Variants in TENM4 observed in about 807,000 individuals in gnomAD.
The protein encoded by TENM4 is teneurin-4.
Under a neutral mutation model 243.3 loss-of-function variants are expected in TENM4, and 82 were observed. That is an observed-to-expected ratio of 0.34 (90% CI 0.28 to 0.40). The LOEUF (loss-of-function observed/expected upper bound fraction) is 0.40. Among genes scored for constraint, TENM4 ranks in the 10% least tolerant of loss-of-function variants. The probability of loss-of-function intolerance (pLI) is 1.00; values close to 1 mark genes in which losing one functional copy is unlikely to be tolerated. For missense variants in TENM4, 3,138 were observed against 3,673.3 expected, an observed-to-expected ratio of 0.85 and a Z score of 3.77; for synonymous variants, 1,412 against 1,456.3, an observed-to-expected ratio of 0.97 and a Z score of 0.69.
At chr11:78,809,365 G>GCATCT (rs1857450329) in intron 14 of TENM4, among the ~76,000 whole-genome samples, 2 of 152,228 alleles carry the variant, frequency 1.3e-5, no homozygotes, top group African/African-American at 4.8e-5. Context: ...AGGAGGGAAG[G>GCATCT]CAGCTCCCAG....
At chr11:79,307,818 G>C (rs568227012) in intron 1 of TENM4, among the ~76,000 whole-genome samples, 1 of 152,236 alleles carries the variant, frequency 6.6e-6, no homozygotes, top group East Asian at 1.9e-4. Context: ...CTTCCAGGTG[G>C]GGAGGATGAA....
At chr11:79,151,845 A>AT (rs1862518139) in intron 3 of TENM4, among the ~76,000 whole-genome samples, 2 of 151,956 alleles carry the variant, frequency 1.3e-5, no homozygotes, top group African/African-American at 4.8e-5. Context: ...GCACTTCAAC[A>AT]TTTTCATTGC....
intron 12 of TENM4, among the ~76,000 whole-genome samples, chr11:78,819,960 G>A (rs904924338): frequency 6.6e-6 from 1 of 152,222 alleles, no homozygotes; most frequent in Non-Finnish European, 1.5e-5. Flanking sequence ...GCAAGAAGGA[G>A]CTTGAACTCC....
intron 4 of TENM4, among the ~76,000 whole-genome samples, chr11:79,107,890 C>T (rs1412677286): frequency 6.6e-6 from 1 of 152,178 alleles, no homozygotes; most frequent in Non-Finnish European, 1.5e-5. Flanking sequence ...TGTCTGAGGC[C>T]ACACAGCCAG....
chr11:78,915,120 G>A (rs900172960), intron 6 of TENM4, among the ~76,000 whole-genome samples: 1 of 152,202 alleles, frequency 6.6e-6, no homozygotes, highest in African/African-American at 2.4e-5. Context: ...AGGTTAACAG[G>A]TTAATTAGAC....
In TENM4 at chr11:78,832,340, C is replaced by T. The variant is rs372950653; in HGVS notation, c.1682-17945G>A. ...CAATTGTTGTTTTTAATGCTGTCAA[C>T]GTTAAGTCTTCTCAGGCTGTGAGAA... is the stretch of plus-strand genomic sequence containing the variant. On this transcript the variant is annotated intron_variant, in intron 12 of 33. Coordinates refer to ENST00000278550, the MANE Select transcript of TENM4 (RefSeq NM_001098816.3). Among the ~76,000 whole-genome samples, 212 of 152,336 alleles carry T rather than the reference C, an allele frequency of 1.4e-3. 1 individual carries two copies. In the South Asian group the frequency reaches 0.015, roughly 11 times the overall value.
chr11:79,060,153 T>G (rs1860049163), intron 6 of TENM4, among the ~76,000 whole-genome samples: 1 of 152,094 alleles, frequency 6.6e-6, no homozygotes. Flanking sequence ...AAACATCTAT[T>G]GCATGCCGAC....
chr11:78,782,466 G>A (rs959783609), intron 16 of TENM4, among the ~76,000 whole-genome samples: 4 of 152,160 alleles, frequency 2.6e-5, no homozygotes, highest in Admixed American at 6.5e-5. Context: ...GTGTGGTGGC[G>A]GGCGTCTGTG....
intron 18 of TENM4, among the ~76,000 whole-genome samples, chr11:78,761,444 T>C (rs1321868408): frequency 1.3e-5 from 2 of 152,082 alleles, no homozygotes; most frequent in African/African-American, 2.4e-5. Context: ...TTTCACCGTG[T>C]TAGCCAGGAT....
chr11:78,873,878 T>G (rs1859199330), intron 9 of TENM4, among the ~76,000 whole-genome samples: 1 of 151,992 alleles, frequency 6.6e-6, no homozygotes, highest in South Asian at 2.1e-4. Context: ...CTAGCCTCCA[T>G]GCCTTTGCTG....
chr11:79,132,308 T>G (rs532931564), intron 4 of TENM4, among the ~76,000 whole-genome samples: 13 of 120,962 alleles, frequency 1.1e-4, no homozygotes, highest in African/African-American at 4.2e-4. Context: ...ATAGCGCCAC[T>G]GCAGTCTGGC....
At chr11:79,159,397 T>C (rs1415272208) in intron 3 of TENM4, among the ~76,000 whole-genome samples, 1 of 152,128 alleles carries the variant, frequency 6.6e-6, no homozygotes, top group Non-Finnish European at 1.5e-5. Context: ...GAAACTGAAA[T>C]CTAAGGATTA....
intron 6 of TENM4, among the ~76,000 whole-genome samples, chr11:79,027,549 C>T (rs1384745896): frequency 6.6e-6 from 1 of 152,214 alleles, no homozygotes; most frequent in African/African-American, 2.4e-5. Flanking sequence ...CAGCTGCATC[C>T]TTAGTTTCCT....
At chr11:79,285,057 G>A (rs921098809) in intron 2 of TENM4, among the ~76,000 whole-genome samples, 3 of 152,078 alleles carry the variant, frequency 2.0e-5, no homozygotes, top group Admixed American at 2.0e-4. Flanking sequence ...GGCCAACATG[G>A]TGAAACCCCG....
chr11:78,857,607 T>C (rs1002251540), intron 10 of TENM4, among the ~76,000 whole-genome samples: 3 of 152,236 alleles, frequency 2.0e-5, no homozygotes. Flanking sequence ...ATTAAAAATA[T>C]GCCAACAAAA....
chr11:79,181,363 C>T (rs1863278718), intron 3 of TENM4, among the ~76,000 whole-genome samples: 1 of 152,090 alleles, frequency 6.6e-6, no homozygotes, highest in Admixed American at 6.5e-5. Flanking sequence ...TCAATAGATG[C>T]AGAAAAAGCA....
chr11:78,674,270 A>C (rs1858409018), intron 30 of TENM4, among the ~76,000 whole-genome samples: 1 of 152,216 alleles, frequency 6.6e-6, no homozygotes, highest in African/African-American at 2.4e-5. Context: ...GTTGTATAAA[A>C]AATGAACTCC....
intron 6 of TENM4, among the ~76,000 whole-genome samples, chr11:78,979,105 GA>G (rs1232259776): frequency 6.6e-6 from 1 of 152,186 alleles, no homozygotes; most frequent in Non-Finnish European, 1.5e-5. Context: ...GTGAGGCTGG[GA>G]GGGGTGGCTG....
intron 25 of TENM4, among the ~76,000 whole-genome samples, chr11:78,714,850 A>C (rs898060126): frequency 6.6e-6 from 1 of 151,808 alleles, no homozygotes; most frequent in East Asian, 1.9e-4. Context: ...AACCTTCCCC[A>C]GCCTTCTCCC....
Sources: gnomAD v4.1 joint callset for allele counts (sites outside exome capture counted in the v4.1 genomes callset) on GRCh38, gnomAD v4.1.1 for gene constraint, MANE v1.5 for transcripts, NCBI Gene and HGNC (gene_info 2026-07-23, HGNC 2026-07-21) for gene names.